The following PSMD11 variants were observed in gnomAD, a reference collection of about 807,000 sequenced individuals.
PSMD11 encodes the protein proteasome 26S subunit, non-ATPase 11.
Under a neutral mutation model 62.3 loss-of-function variants are expected in PSMD11, and 5 were observed. That is an observed-to-expected ratio of 0.08 (90% CI 0.04 to 0.17). The LOEUF is 0.17. Among genes scored for constraint, PSMD11 ranks in the 10% least tolerant of loss-of-function variants. The probability of loss-of-function intolerance (pLI) is 1.00; values close to 1 mark genes in which losing one functional copy is unlikely to be tolerated. For missense variants in PSMD11, 310 were observed against 512.9 expected, an observed-to-expected ratio of 0.60 and a Z score of 3.82; for synonymous variants, 191 against 191.8, an observed-to-expected ratio of 1.00 and a Z score of 0.03.
intron 5 of PSMD11, among the ~76,000 whole-genome samples, chr17:32,467,777 CTTGTTTTTATTTT>C (rs1908041092): frequency 6.6e-6 from 1 of 152,058 alleles, no homozygotes; most frequent in African/African-American, 2.4e-5. Flanking sequence ...ACACCCAGCT[CTTGTTTTTATTTT>C]TTATTCTGAA....
chr17:32,459,315 C>G (rs910367481), intron 3 of PSMD11, among the ~76,000 whole-genome samples: 1 of 151,752 alleles, frequency 6.6e-6, no homozygotes, highest in Admixed American at 6.6e-5. Context: ...ACTTCCTGGG[C>G]TCAGGTGATT....
At chr17:32,468,263 A>AT (rs147119036) in intron 5 of PSMD11, among the ~76,000 whole-genome samples, 5 of 150,982 alleles carry the variant, frequency 3.3e-5, no homozygotes, top group African/African-American at 4.9e-5. Context: ...ATGATTTGCA[A>AT]TTTTTTTTTC....
At chr17:32,460,190 C>G (rs1052599310) in intron 3 of PSMD11, among the ~76,000 whole-genome samples, 3 of 152,144 alleles carry the variant, frequency 2.0e-5, no homozygotes, top group Middle Eastern at 3.4e-3. Context: ...TCCCAAGTTG[C>G]TGGGACTGCA....
intron 1 of PSMD11, chr17:32,444,825 C>G: frequency 1.7e-6 from 1 of 591,986 alleles, no homozygotes; most frequent in South Asian, 2.2e-5. Flanking sequence ...CCCGGGTCCC[C>G]TCGCCGGCTG....
chr17:32,454,885 A>G (rs920086981), intron 3 of PSMD11: 1 of 339,272 alleles, frequency 2.9e-6, no homozygotes, highest in African/African-American at 2.1e-5. Context: ...GAGGTATTGT[A>G]TTGCCACACC....
rs780562541 is a variant in PSMD11 at position 32,473,840 on chromosome 17, C to T, written c.683C>T (p.Ala228Val). 9 of 1,613,632 alleles carry T rather than the reference C, an allele frequency of 5.6e-6. No homozygotes were observed. The highest frequency in any genetic ancestry group is 1.3e-5 in the African/African-American group (1 of 74,928). Residue 228 changes from alanine to valine, a missense_variant, in exon 7 of 14, where the codon GCG (alanine) becomes GTG (valine). Physicochemically the swap from Ala to Val is moderately conservative, Grantham distance 64 (BLOSUM62 0). This residue lies in a region of PSMD11 where 47 missense variants were observed against 117.7 expected (regional missense o/e 0.40). Coordinates refer to ENST00000261712, the MANE Select transcript of PSMD11 (RefSeq NM_002815.4). ...HAAEEKDWKT[A>V]YSYFYEAFEG... ...GCAGAAGAGAAGGACTGGAAAACTG[C>T]GTACTCATACTTCTATGAGGCATTT...
At chr17:32,475,562 A>G (rs1669509236) in intron 8 of PSMD11, among the ~76,000 whole-genome samples, 4 of 150,380 alleles carry the variant, frequency 2.7e-5, no homozygotes, top group African/African-American at 9.8e-5. Context: ...GAGTGGCCAC[A>G]TAGATGATTT....
At chr17:32,477,298 C>CT in intron 8 of PSMD11, 1 of 401,304 alleles carries the variant, frequency 2.5e-6, no homozygotes. Context: ...TTTCTGTTTC[C>CT]TAGTATTATT....
At position 32,477,569 on chromosome 17, in the gene PSMD11, G is replaced by T. The variant is rs1381430219; in HGVS notation, c.898G>T (p.Ala300Ser). 6.2e-7 allele frequency: 1 copy of T among 1,611,536 alleles called. No individual in the cohort carries two copies. The highest frequency in any genetic ancestry group is 1.3e-5 in the African/African-American group (1 of 74,886). ...VAQASKNRSL[A>S]DFEKALTDYR... Reference sequence around the variant, plus strand: ...TCAGGCTAGCAAGAACAGATCACTGGCAGATTTTGAAAAGGTGAGTATGAT... The same window carrying T: ...TCAGGCTAGCAAGAACAGATCACTGTCAGATTTTGAAAAGGTGAGTATGAT... Residue 300 changes from alanine to serine, a missense_variant, in exon 9 of 14, where the codon GCA (alanine) becomes TCA (serine). By Grantham distance (99) the Ala-to-Ser change is moderately conservative. Transcript: ENST00000261712.
intron 3 of PSMD11, among the ~76,000 whole-genome samples, chr17:32,459,465 T>C (rs979719266): frequency 2.0e-5 from 3 of 152,108 alleles, no homozygotes; most frequent in Admixed American, 1.3e-4. Flanking sequence ...CTCAAACTTC[T>C]GGGCTCAAGT....
chr17:32,471,025 C>G (rs1222924625), intron 6 of PSMD11, among the ~76,000 whole-genome samples: 2 of 152,152 alleles, frequency 1.3e-5, no homozygotes, highest in Non-Finnish European at 2.9e-5. Context: ...CATGTGTCAG[C>G]AGCGTCATCC....
chr17:32,449,064 A>C (rs964801900), intron 2 of PSMD11, among the ~76,000 whole-genome samples: 40 of 152,318 alleles, frequency 2.6e-4, no homozygotes, highest in South Asian at 1.0e-3. Context: ...AAATATAATA[A>C]GGTAATTTTT....
chr17:32,456,143 CA>C (rs551469411), intron 3 of PSMD11, among the ~76,000 whole-genome samples: 836 of 58,244 alleles, frequency 0.014, 2 homozygotes, highest in Middle Eastern at 0.021. Context: ...GACTCTGTCT[CA>C]AAAAAAAAAA....
At position 32,474,811 on chromosome 17, in the gene PSMD11, A is replaced by T. The variant is rs1015606766; in HGVS notation, c.836A>T (p.Tyr279Phe). 1.2e-6 allele frequency: 2 copies of T among 1,614,072 alleles called. No homozygotes were observed. The highest frequency in any genetic ancestry group is 1.7e-5 in the Admixed American group (1 of 60,016). ...ALVSGKLALR[Y>F]AGRQTEALKC... is the part of the protein sequence containing the mutation. Reference sequence around the variant, plus strand: ...GTGAGCGGGAAGCTTGCACTTCGGTATGCAGGGAGGCAGGTAGGGACTCCC... The same window carrying T: ...GTGAGCGGGAAGCTTGCACTTCGGTTTGCAGGGAGGCAGGTAGGGACTCCC... Residue 279 changes from tyrosine to phenylalanine, a missense_variant, in exon 8 of 14, where the codon TAT becomes TTT. Physicochemically the swap from Tyr to Phe is conservative, Grantham distance 22. Coordinates refer to ENST00000261712, the MANE Select transcript of PSMD11 (RefSeq NM_002815.4).
At chr17:32,467,691 A>G (rs2150836055) in intron 5 of PSMD11, among the ~76,000 whole-genome samples, 1 of 152,336 alleles carries the variant, frequency 6.6e-6, no homozygotes, top group South Asian at 2.1e-4. Context: ...AGCTCACTGC[A>G]GCCTGGAAAT....
In PSMD11 at chr17:32,473,936, T is replaced by A. The variant is rs538012652; in HGVS notation, c.779T>A (p.Met260Lys). 1 of 1,614,060 alleles carries A rather than the reference T, an allele frequency of 6.2e-7. No individual in the cohort carries two copies. Among genetic ancestry groups the A allele is most frequent in the African/African-American group, 1.3e-5 (1 of 74,928 alleles). ...AAGTACATGTTGCTGTGCAAAATCA[T>A]GCTCAACACGTAGGTGCACCTTAAC... is the stretch of plus-strand genomic sequence containing the variant. Reference protein sequence around the residue: ...SLKYMLLCKIMLNTPEDVQAL... With the variant: ...SLKYMLLCKIKLNTPEDVQAL... Residue 260 changes from methionine to lysine, a missense_variant, in exon 7 of 14, where the codon ATG (methionine) becomes AAG (lysine). Physicochemically the swap from Met to Lys is moderately conservative, Grantham distance 95. Transcript: ENST00000261712.
chr17:32,477,629 G>T (rs781591399), intron 9 of PSMD11, 46 bp downstream of exon 9: 58 of 1,492,598 alleles, frequency 3.9e-5, no homozygotes, highest in Non-Finnish European at 5.3e-5. Context: ...GGAAGAGAGG[G>T]ACGTTTAAGT....
chr17:32,478,010 G>C (rs1293021626), intron 9 of PSMD11, among the ~76,000 whole-genome samples: 2 of 152,182 alleles, frequency 1.3e-5, no homozygotes, highest in Non-Finnish European at 2.9e-5. Context: ...AGAAATGCCA[G>C]GTCTGCTCCT....
chr17:32,464,249 T>C, intron 4 of PSMD11, 129 bp downstream of exon 4: 2 of 927,620 alleles, frequency 2.2e-6, no homozygotes, highest in Non-Finnish European at 3.4e-6. Flanking sequence ...AGATTATTGA[T>C]GGTAGCCCCA....
Sources: allele counts gnomAD v4.1 joint callset (sites outside exome capture counted in the v4.1 genomes callset), GRCh38; gene constraint gnomAD v4.1.1; regional missense constraint gnomAD v4.1.1; transcripts MANE v1.5; gene names NCBI Gene and HGNC (gene_info 2026-07-23, HGNC 2026-07-21).